Variants in POLA1 observed in about 807,000 individuals in gnomAD.
POLA1 encodes the protein DNA polymerase alpha catalytic subunit.
A neutral mutation model predicts 124.0 loss-of-function variants in POLA1; 15 were observed. The observed-to-expected ratio is 0.12, with a 90% confidence interval of 0.08 to 0.19. The LOEUF is 0.19. Among genes scored for constraint, POLA1 ranks in the 10% least tolerant of loss-of-function variants. The pLI is 1.00. For missense variants in POLA1, 886 were observed against 1,103.4 expected (o/e 0.80, Z 2.79); for synonymous variants, 408 against 389.4 (o/e 1.05, Z -0.56).
intron 32 of POLA1, among the ~76,000 whole-genome samples, chrX:24,831,419 T>C (rs760983727): frequency 2.3e-4 from 26 of 111,736 alleles, no homozygotes; most frequent in Non-Finnish European, 4.1e-4. Context: ...TTTCTGTCTT[T>C]TTATTTTTTA....
At chrX:24,920,347 G>A (rs1322582916) in intron 35 of POLA1, among the ~76,000 whole-genome samples, 2 of 111,145 alleles carry the variant, frequency 1.8e-5, no homozygotes, top group Non-Finnish European at 1.9e-5. Flanking sequence ...CCTCTAGCCC[G>A]CAGGCCCATG....
chrX:24,835,062 T>A (rs1422630915), intron 32 of POLA1, among the ~76,000 whole-genome samples: 1 of 108,277 alleles, frequency 9.2e-6, no homozygotes, highest in Non-Finnish European at 1.9e-5. Context: ...TTTTTTTTTT[T>A]AGAGACAAAG....
intron 4 of POLA1, among the ~76,000 whole-genome samples, chrX:24,707,641 T>C (rs1313976426): frequency 8.9e-6 from 1 of 112,426 alleles, no homozygotes; most frequent in Non-Finnish European, 1.9e-5. Flanking sequence ...TACTAAGTTT[T>C]GCTTAGAAGT....
intron 30 of POLA1, among the ~76,000 whole-genome samples, chrX:24,817,500 CAA>C (rs1355733042): frequency 9.5e-6 from 1 of 105,070 alleles, no homozygotes; most frequent in Non-Finnish European, 1.9e-5. Flanking sequence ...CCCAGCTACT[CAA>C]GAGGCCGAGG....
intron 34 of POLA1, among the ~76,000 whole-genome samples, chrX:24,853,773 C>T (rs1310275879): frequency 9.0e-6 from 1 of 111,401 alleles, no homozygotes; most frequent in South Asian, 3.8e-4. Flanking sequence ...AGTTATCTAT[C>T]CGTTATTCTT....
chrX:24,695,277 C>G (rs1286305856), intron 1 of POLA1, among the ~76,000 whole-genome samples: 1 of 110,835 alleles, frequency 9.0e-6, no homozygotes. Context: ...ATATTTAAAC[C>G]TTTGTAGCTG....
chrX:24,901,364 A>ATACT (rs2047275789), intron 35 of POLA1, among the ~76,000 whole-genome samples: 1 of 111,395 alleles, frequency 9.0e-6, no homozygotes, highest in South Asian at 3.8e-4. Flanking sequence ...CAGCTAGTAT[A>ATACT]AAGGGCCTAA....
chrX:24,741,004 T>C (rs1931603435), intron 20 of POLA1, among the ~76,000 whole-genome samples: 1 of 111,385 alleles, frequency 9.0e-6, no homozygotes, highest in African/African-American at 3.3e-5. Context: ...AGCCAATGCC[T>C]GGCATATAGT....
chrX:24,704,260 T>A, intron 3 of POLA1, 129 bp from the exon 4 acceptor site: 1 of 510,710 alleles, frequency 2.0e-6, no homozygotes, highest in East Asian at 3.4e-5. Context: ...AACAGAATTC[T>A]GCTGCACTTA....
chrX:24,912,541 A>G (rs1410028210), intron 35 of POLA1, among the ~76,000 whole-genome samples: 1 of 112,119 alleles, frequency 8.9e-6, no homozygotes, highest in Non-Finnish European at 1.9e-5. Context: ...AATTTAAAAA[A>G]AAACAAAAGA....
At chrX:24,768,594 A>G (rs886073044) in intron 26 of POLA1, among the ~76,000 whole-genome samples, 1 of 112,314 alleles carries the variant, frequency 8.9e-6, no homozygotes, top group East Asian at 2.8e-4. Flanking sequence ...TGTTTAAAAC[A>G]AGTGAAGGGG....
At chrX:24,974,196 T>TCC (rs1247841925) in intron 36 of POLA1, among the ~76,000 whole-genome samples, 1 of 110,904 alleles carries the variant, frequency 9.0e-6, no homozygotes, top group African/African-American at 3.3e-5. Context: ...TGATTTTGCC[T>TCC]CCCCACCCGA....
Position 24,853,031 on chromosome X carries a change from T to C in POLA1, c.4047+9354T>C, listed in dbSNP as rs2046586899. Among the ~76,000 whole-genome samples, 3 of 112,890 alleles carry C rather than the reference T, an allele frequency of 2.7e-5. No individual in the cohort carries two copies. The South Asian group carries it at 1.1e-3, about 41-fold the overall frequency. On this transcript the variant is annotated intron_variant, in intron 34 of 36. Coordinates refer to ENST00000379068, the MANE Select transcript of POLA1 (RefSeq NM_001330360.2). ...TTTATAAATCATGTGGATAAAGTTA[T>C]GGCTAATCTTTTGAGGATGATTTCT...
rs57038936 is a variant in POLA1, at chrX:24,951,343, ACCCCCCC to A, written c.4261+20803_4261+20809del. On this transcript the variant is annotated intron_variant, in intron 36 of 36. Transcript: ENST00000379068. ...ACTCACTTTCTTTAAACACCTCCCT[ACCCCCCC>A]CCCCCCCCACCAAATGCAGACGAGG... 4.9e-5 allele frequency among the ~76,000 whole-genome samples: 2 copies of A among 40,937 alleles called. 1 individual carries two copies. The highest frequency in any genetic ancestry group is 1.5e-4 in the African/African-American group (2 of 13,391). The allele number at this position is 40,937 out of a possible 115,157, so 35.5% of individuals were successfully genotyped here.
chrX:24,846,919 G>T (rs1302197295), intron 34 of POLA1, among the ~76,000 whole-genome samples: 1 of 112,118 alleles, frequency 8.9e-6, no homozygotes, highest in Non-Finnish European at 1.9e-5. Context: ...TGTGTTAATC[G>T]TTTTGGCCCT....
chrX:24,963,749 A>C (rs754810700), intron 36 of POLA1, among the ~76,000 whole-genome samples: 8 of 111,783 alleles, frequency 7.2e-5, no homozygotes, highest in South Asian at 7.5e-4. Flanking sequence ...CATCTATAGA[A>C]TGTTTTAAAA....
At chrX:24,806,427 A>G (rs935301110) in intron 26 of POLA1, among the ~76,000 whole-genome samples, 4 of 110,180 alleles carry the variant, frequency 3.6e-5, no homozygotes, top group Non-Finnish European at 5.7e-5. Context: ...TAGCACTTGG[A>G]TAAGCATTGG....
chrX:24,812,632 A>C, intron 28 of POLA1, 26 bp from the exon 29 acceptor site: 1 of 920,021 alleles, frequency 1.1e-6, no homozygotes, highest in Non-Finnish European at 1.6e-6. Context: ...TTGAGAAGCT[A>C]ATACTAATAT....
Position 24,748,382 on chromosome X carries a change from C to A in POLA1, c.2763C>A (p.Ile921=). The A allele has an allele frequency of 8.3e-7, 1 of 1,198,422 alleles. No homozygotes were observed. The highest frequency in any genetic ancestry group is 1.1e-6 in the Non-Finnish European group (1 of 883,584). ...SLEMGILPRE[I]RKLVERRKQV... The stretch of plus-strand genomic sequence containing the variant: ...AAATGGGCATTTTGCCCAGAGAGAT[C>A]CGGAAACTGGTAGAACGGAGAAAAC... Residue 921 remains isoleucine (I), a synonymous_variant, in exon 25 of 37, where the codon ATC becomes ATA. Coordinates refer to ENST00000379068, the MANE Select transcript of POLA1 (RefSeq NM_001330360.2).
Sources: allele counts gnomAD v4.1 joint callset (sites outside exome capture counted in the v4.1 genomes callset), GRCh38; gene constraint gnomAD v4.1.1; transcripts MANE v1.5; gene names NCBI Gene and HGNC (gene_info 2026-07-23, HGNC 2026-07-21).